Variants in USH2A observed in about 807,000 individuals in gnomAD.
The protein encoded by USH2A is usherin.
USH2A carries 443 observed loss-of-function variants against 538.9 expected under a neutral mutation model. That is an observed-to-expected ratio of 0.82 (90% CI 0.76 to 0.89). The LOEUF (loss-of-function observed/expected upper bound fraction) is 0.89. USH2A is among the 40% of genes least tolerant of loss of function. The pLI is 0.00. For missense variants in USH2A, 6,633 were observed against 6,324.8 expected, an observed-to-expected ratio of 1.05 and a Z score of -1.65; for synonymous variants, 2,413 against 2,273.5, an observed-to-expected ratio of 1.06 and a Z score of -1.75.
At chr1:215,708,574 T>C (rs1659247634) in intron 61 of USH2A, among the ~76,000 whole-genome samples, 1 of 152,184 alleles carries the variant, frequency 6.6e-6, no homozygotes, top group Admixed American at 6.5e-5. Flanking sequence ...ATGAAACTGT[T>C]CCACCTCAGA....
chr1:215,630,722 G>C (rs911023058), intron 70 of USH2A, among the ~76,000 whole-genome samples: 5 of 151,104 alleles, frequency 3.3e-5, no homozygotes, highest in African/African-American at 1.2e-4. Flanking sequence ...GCATGGTGGC[G>C]GGCGCCTGTA....
intron 31 of USH2A, 70 bp from the exon 32 acceptor site, chr1:216,046,662 C>G (rs2030535161): frequency 1.9e-6 from 3 of 1,563,198 alleles, no homozygotes; most frequent in East Asian, 4.5e-5. Context: ...CAGACCCAAA[C>G]CAATAAATCA....
In USH2A at chr1:216,166,523, G is replaced by C. The variant is rs565440359; in HGVS notation, c.4627+8729C>G. On this transcript the variant is annotated intron_variant, in intron 21 of 71. Transcript: ENST00000307340. Reference sequence around the variant, plus strand: ...GAACAGCCTGGAGAAGATTGAAACTGTTGGCAGAGAAGCCCACAACATAGG... The same window carrying C: ...GAACAGCCTGGAGAAGATTGAAACTCTTGGCAGAGAAGCCCACAACATAGG... 3.3e-4 allele frequency among the ~76,000 whole-genome samples: 50 copies of C among 152,290 alleles called. 1 individual carries two copies. In the South Asian group the frequency reaches 7.2e-3, roughly 22 times the overall value.
chr1:216,274,932 A>C (rs2036642784), intron 11 of USH2A, among the ~76,000 whole-genome samples: 1 of 152,100 alleles, frequency 6.6e-6, no homozygotes, highest in African/African-American at 2.4e-5. Flanking sequence ...TAAAATTCTG[A>C]AGCATGCTCA....
chr1:216,227,037 A>G (rs1249801501), intron 14 of USH2A, among the ~76,000 whole-genome samples: 1 of 152,192 alleles, frequency 6.6e-6, no homozygotes, highest in Non-Finnish European at 1.5e-5. Context: ...ACTGGACTCA[A>G]GTGGAAAGCA....
chr1:215,640,884 C>T (rs2102636465), intron 67 of USH2A, 150 bp from the exon 68 acceptor site: 1 of 915,134 alleles, frequency 1.1e-6, no homozygotes, highest in East Asian at 2.6e-5. Context: ...TTGCTAGAAT[C>T]CTTCACTTTT....
chr1:215,822,393 G>A (rs1172354669), intron 47 of USH2A, among the ~76,000 whole-genome samples: 2 of 151,736 alleles, frequency 1.3e-5, no homozygotes, highest in African/African-American at 2.4e-5. Flanking sequence ...TATTGTTAAT[G>A]GGACCACTTT....
chr1:216,190,207 A>C lies in USH2A; in HGVS notation c.4396+16T>G, dbSNP rs765569999. The C allele has an allele frequency of 1.9e-6, 3 of 1,611,720 alleles. No individual in the cohort carries two copies. The African/African-American group carries it at 4.0e-5, about 22-fold the overall frequency. ...GATAGGCAACAGATTTTTCATATCC[A>C]TTAAAACTTGCTTACCTGCTGCTAA... On this transcript the variant is annotated intron_variant, in intron 20 of 71. Coordinates refer to ENST00000307340, the MANE Select transcript of USH2A (RefSeq NM_206933.4).
intron 30 of USH2A, among the ~76,000 whole-genome samples, chr1:216,065,193 G>A (rs1171762381): frequency 6.6e-6 from 1 of 152,154 alleles, no homozygotes; most frequent in African/African-American, 2.4e-5. Context: ...TTTACAATCT[G>A]TGGGATCTCG....
chr1:215,764,670 G>A (rs942199173), intron 56 of USH2A, among the ~76,000 whole-genome samples: 2 of 151,956 alleles, frequency 1.3e-5, no homozygotes, highest in Non-Finnish European at 2.9e-5. Flanking sequence ...ACTCAAATAT[G>A]AGATCTTCAA....
At chr1:216,204,641 C>T (rs1400375331) in intron 16 of USH2A, among the ~76,000 whole-genome samples, 1 of 152,130 alleles carries the variant, frequency 6.6e-6, no homozygotes, top group South Asian at 2.1e-4. Context: ...AATGATTCTC[C>T]ACCTATAATT....
intron 30 of USH2A, among the ~76,000 whole-genome samples, chr1:216,065,264 T>C (rs1011332459): frequency 1.3e-4 from 20 of 152,338 alleles, no homozygotes; most frequent in African/African-American, 4.8e-4. Context: ...AAAGCCTCCC[T>C]GCATCCAGTT....
intron 50 of USH2A, among the ~76,000 whole-genome samples, chr1:215,793,979 AG>A (rs2102773424): frequency 6.6e-6 from 1 of 152,354 alleles, no homozygotes; most frequent in African/African-American, 2.4e-5. Flanking sequence ...TAAATGATAA[AG>A]CTATATAAGC....
At chr1:215,720,660 CGTGATAGGACTTGA>C (rs1465534916) in intron 61 of USH2A, among the ~76,000 whole-genome samples, 2 of 152,232 alleles carry the variant, frequency 1.3e-5, no homozygotes, top group African/African-American at 4.8e-5. Context: ...GTTTTGTCAA[CGTGATAGGACTTGA>C]TATTGGCTGC....
chr1:216,289,295 G>A lies in USH2A; in HGVS notation c.1956C>T (p.Ser652=), dbSNP rs1210971360. The part of the protein sequence containing the change: ...DCDTVGTRNG[S]ILCDQIGGQC... ...AAAAACTCACCTGATCACAAAGAAT[G>A]CTACCATTTCTAGTGCCAACTGTAT... Residue 652 remains serine, a synonymous_variant, in exon 11 of 72, where the codon AGC becomes AGT. Coordinates refer to ENST00000307340, the MANE Select transcript of USH2A (RefSeq NM_206933.4). The A allele has an allele frequency of 2.5e-6, 4 of 1,613,764 alleles. No homozygotes were observed. In the African/African-American group the frequency reaches 5.3e-5, roughly 22 times the overall value.
chr1:215,822,909 A>G (rs1029275302), intron 47 of USH2A, among the ~76,000 whole-genome samples: 1 of 152,068 alleles, frequency 6.6e-6, no homozygotes, highest in East Asian at 1.9e-4. Context: ...AAACAAAGAA[A>G]CAATGAAAAA....
intron 34 of USH2A, among the ~76,000 whole-genome samples, chr1:215,997,054 C>T (rs1359747324): frequency 6.6e-6 from 1 of 152,120 alleles, no homozygotes; most frequent in East Asian, 1.9e-4. Flanking sequence ...ATCTAATGAC[C>T]TTGAAAGCCA....
At chr1:216,170,807 C>T (rs1444754534) in intron 21 of USH2A, among the ~76,000 whole-genome samples, 1 of 151,994 alleles carries the variant, frequency 6.6e-6, no homozygotes, top group Admixed American at 6.6e-5. Flanking sequence ...ATTTACTCTG[C>T]ATTCCTGAAA....
intron 55 of USH2A, among the ~76,000 whole-genome samples, chr1:215,769,910 C>G (rs895990118): frequency 2.6e-5 from 4 of 152,302 alleles, no homozygotes; most frequent in African/African-American, 9.6e-5. Flanking sequence ...CAGTTTTACT[C>G]TAATTCATTG....
Sources: gnomAD v4.1 joint callset for allele counts (sites outside exome capture counted in the v4.1 genomes callset) on GRCh38, gnomAD v4.1.1 for gene constraint, MANE v1.5 for transcripts, NCBI Gene and HGNC (gene_info 2026-07-23, HGNC 2026-07-21) for gene names.